Variants in NPIPB15 observed in about 807,000 individuals in gnomAD.
NPIPB15 encodes the protein nuclear pore complex interacting protein family member B15.
Under a neutral mutation model 35.9 loss-of-function variants are expected in NPIPB15, and 5 were observed. The observed-to-expected ratio is 0.14, with a 90% CI of 0.07 to 0.29. The LOEUF (loss-of-function observed/expected upper bound fraction) is 0.29. NPIPB15 is among the 10% of genes least tolerant of loss of function. The probability of loss-of-function intolerance (pLI) is 1.00; values close to 1 mark genes in which losing one functional copy is unlikely to be tolerated. For synonymous variants in NPIPB15, 43 were observed against 182.0 expected (o/e 0.24, Z 6.15); for missense variants, 100 against 506.1 (o/e 0.20, Z 7.70).
chr16:74,386,219 A>G (rs1393538383), intron 5 of NPIPB15, among the ~76,000 whole-genome samples: 8 of 128,796 alleles, frequency 6.2e-5, no homozygotes, highest in African/African-American at 2.3e-4. Flanking sequence ...TTCTGACCTC[A>G]GGTAATCCAC....
chr16:74,391,774 T>C lies in NPIPB15; in HGVS notation c.1026T>C (p.Thr342=). Reference sequence around the variant, plus strand: ...CCTCAGTGGATGATAATCTCAAGACTCCTCCCTTAGCTACTCAGGAGGCCG... The same window carrying C: ...CCTCAGTGGATGATAATCTCAAGACCCCTCCCTTAGCTACTCAGGAGGCCG... ...LPPSVDDNLK[T]PPLATQEAEA... is the part of the protein sequence containing the mutation. Residue 342 remains threonine (T), a synonymous_variant, in exon 8 of 8, where the codon ACT becomes ACC. Coordinates refer to ENST00000692376, the MANE Select transcript of NPIPB15 (RefSeq NM_001306094.2). 1 of 1,614,010 alleles carries C rather than the reference T, an allele frequency of 6.2e-7. No homozygotes were observed. The highest frequency in any genetic ancestry group is 8.5e-7 in the Non-Finnish European group (1 of 1,179,878).
intron 1 of NPIPB15, among the ~76,000 whole-genome samples, 143 bp downstream of exon 1, chr16:74,377,489 G>C (rs2011719910): frequency 6.6e-6 from 1 of 152,076 alleles, no homozygotes; most frequent in Non-Finnish European, 1.5e-5. Context: ...TTGGTGGAGA[G>C]GGAGTATAAA....
rs1432850592 is a variant in NPIPB15, at chr16:74,377,136, CTGA to C, written c.-230_-228del. Among the ~76,000 whole-genome samples the C allele has an allele frequency of 7.3e-6, 1 of 136,814 alleles. No individual in the cohort carries two copies. The allele number at this position is 136,814 out of a possible 152,430, so 89.8% of individuals were successfully genotyped here. A position where few individuals can be genotyped will look rare whatever the true frequency, so the allele number is the denominator to read the frequency against. On this transcript the variant is annotated 5_prime_UTR_variant, in exon 1 of 8. An upstream start codon of the reference 5' UTR is lost. Transcript: ENST00000692376. ...TACTATCGGGACCTTCCGCATCCTGCTGATGTTTTGTTGCTTAGGATATGAATG... is the reference window on the plus strand; with the variant it reads ...TACTATCGGGACCTTCCGCATCCTGCTGTTTTGTTGCTTAGGATATGAATG...
Position 74,376,363 on chromosome 16 carries a change from T to C in NPIPB15, c.-1006T>C, listed in dbSNP as rs1488510220. Among the ~76,000 whole-genome samples the C allele has an allele frequency of 6.6e-6, 1 of 151,606 alleles. No homozygotes were observed. Among genetic ancestry groups the C allele is most frequent in the Non-Finnish European group, 1.5e-5 (1 of 67,988 alleles). ...GATCGGGCAGAAGGCCTGTGGGAAG[T>C]TCAGCTGAGGACAGGGCCAGGAAAG... is the stretch of plus-strand genomic sequence containing the variant. On this transcript the variant is annotated 5_prime_UTR_variant, in exon 1 of 8. Transcript: ENST00000692376.
At chr16:74,378,423 C>T (rs1301422962) in intron 2 of NPIPB15, among the ~76,000 whole-genome samples, 3 of 86,122 alleles carry the variant, frequency 3.5e-5, no homozygotes, top group African/African-American at 1.0e-4. Flanking sequence ...GGTTTGATGC[C>T]TTTTTTTTTT....
At chr16:74,378,422 C>T (rs867729732) in intron 2 of NPIPB15, among the ~76,000 whole-genome samples, 1 of 107,838 alleles carries the variant, frequency 9.3e-6, no homozygotes, top group Non-Finnish European at 1.8e-5. Context: ...TGGTTTGATG[C>T]CTTTTTTTTT....
intron 3 of NPIPB15, among the ~76,000 whole-genome samples, chr16:74,383,956 G>GT (rs2012123473): frequency 1.4e-5 from 2 of 147,602 alleles, no homozygotes; most frequent in South Asian, 4.4e-4. Context: ...AGATTCATAG[G>GT]TATCTGACCC....
At chr16:74,384,938 C>T (rs1318218893) in intron 3 of NPIPB15, among the ~76,000 whole-genome samples, 3 of 150,788 alleles carry the variant, frequency 2.0e-5, no homozygotes, top group Non-Finnish European at 4.4e-5. Flanking sequence ...GCCTCGGCCT[C>T]CCAAAGTGCT....
At chr16:74,384,764 C>A (rs2012175524) in intron 3 of NPIPB15, among the ~76,000 whole-genome samples, 1 of 146,848 alleles carries the variant, frequency 6.8e-6, no homozygotes, top group African/African-American at 2.5e-5. Flanking sequence ...TCACCACAAC[C>A]TTTTCCTGCT....
chr16:74,386,204 C>T (rs574654667), intron 5 of NPIPB15, among the ~76,000 whole-genome samples: 2 of 126,434 alleles, frequency 1.6e-5, no homozygotes, highest in African/African-American at 5.9e-5. Context: ...AGGCTGGTCT[C>T]GAACTTCTGA....
chr16:74,379,247 T>C (rs2011851186), intron 2 of NPIPB15, among the ~76,000 whole-genome samples: 1 of 152,220 alleles, frequency 6.6e-6, no homozygotes, highest in African/African-American at 2.4e-5. Flanking sequence ...GTCTGCTTTA[T>C]TCTGCTCAAC....
intron 2 of NPIPB15, among the ~76,000 whole-genome samples, chr16:74,381,062 G>A (rs4085709): frequency 7.0e-6 from 1 of 142,578 alleles, no homozygotes; most frequent in South Asian, 2.2e-4. Flanking sequence ...AGAATGGCTT[G>A]AGCCCAGGAG....
Position 74,385,588 on chromosome 16 carries a change from A to G in NPIPB15, c.384A>G (p.Arg128=). Residue 128 remains arginine, a synonymous_variant, in exon 5 of 8, where the codon AGA becomes AGG. Transcript: ENST00000692376. ...CCATTTGTATGCACACAAAGAAAAG[A>G]GTTTCTTCCTTTCGAGGAAATAAAA... ...LRSICMHTKK[R]VSSFRGNKIG... 1.7e-6 allele frequency: 1 copy of G among 581,154 alleles called. No individual in the cohort carries two copies. Among genetic ancestry groups the G allele is most frequent in the Non-Finnish European group, 3.0e-6 (1 of 334,838 alleles). The allele number at this position is 581,154 out of a possible 1,614,324, so 36.0% of individuals were successfully genotyped here. A position where few individuals can be genotyped will look rare whatever the true frequency, so the allele number is the denominator to read the frequency against.
At chr16:74,384,735 G>A (rs1377410505) in intron 3 of NPIPB15, among the ~76,000 whole-genome samples, 2 of 130,356 alleles carry the variant, frequency 1.5e-5, no homozygotes, top group African/African-American at 5.9e-5. Flanking sequence ...GGTTTGGAGT[G>A]CAATGGCACA....
At chr16:74,387,137 TCC>T (rs2012324409) in intron 5 of NPIPB15, among the ~76,000 whole-genome samples, 2 of 151,940 alleles carry the variant, frequency 1.3e-5, no homozygotes, top group Non-Finnish European at 2.9e-5. Flanking sequence ...GCAGGCTCAG[TCC>T]CTAGAAAGGC....
intron 7 of NPIPB15, chr16:74,391,133 C>G (rs2012513632): frequency 1.0e-6 from 1 of 962,954 alleles, no homozygotes; most frequent in Non-Finnish European, 1.2e-6. Flanking sequence ...AGGACCCCAG[C>G]CTGCCTACAT....
At chr16:74,384,921 T>C (rs1161885540) in intron 3 of NPIPB15, among the ~76,000 whole-genome samples, 2 of 151,220 alleles carry the variant, frequency 1.3e-5, no homozygotes, top group East Asian at 2.0e-4. Context: ...CCTCAGGTGA[T>C]CCACCTGCCT....
chr16:74,377,315 CAG>C lies in NPIPB15; in HGVS notation c.-53_-52del, dbSNP rs1279715819. On this transcript the variant is annotated 5_prime_UTR_variant, in exon 1 of 8. Transcript: ENST00000692376. ...AGGAAGGAGAGCCCAGAAGCAGGGACAGGGAGCTGGTTGGGGAGGACCAGAAA... is the reference window on the plus strand; with the variant it reads ...AGGAAGGAGAGCCCAGAAGCAGGGACGGAGCTGGTTGGGGAGGACCAGAAA... Among the ~76,000 whole-genome samples, 4 of 151,940 alleles carry C rather than the reference CAG, an allele frequency of 2.6e-5. No individual in the cohort carries two copies. The highest frequency in any genetic ancestry group is 2.6e-4 in the Admixed American group (4 of 15,214).
In NPIPB15 at chr16:74,376,364, T is replaced by C. The variant is rs1274395629; in HGVS notation, c.-1005T>C. Among the ~76,000 whole-genome samples the C allele has an allele frequency of 6.6e-6, 1 of 151,586 alleles. No homozygotes were observed. The highest frequency in any genetic ancestry group is 1.5e-5 in the Non-Finnish European group (1 of 67,986). On this transcript the variant is annotated 5_prime_UTR_variant, in exon 1 of 8. Coordinates refer to ENST00000692376, the MANE Select transcript of NPIPB15 (RefSeq NM_001306094.2). ...ATCGGGCAGAAGGCCTGTGGGAAGTTCAGCTGAGGACAGGGCCAGGAAAGG... is the reference window on the plus strand; with the variant it reads ...ATCGGGCAGAAGGCCTGTGGGAAGTCCAGCTGAGGACAGGGCCAGGAAAGG...
Sources: gnomAD v4.1 joint callset for allele counts (sites outside exome capture counted in the v4.1 genomes callset) on GRCh38, gnomAD v4.1.1 for gene constraint, MANE v1.5 for transcripts, NCBI Gene and HGNC (gene_info 2026-07-23, HGNC 2026-07-21) for gene names.